ASH1L: variants seen among roughly 807,000 people sequenced by gnomAD.
ASH1L encodes histone-lysine N-methyltransferase ASH1L.
Under a neutral mutation model 269.0 loss-of-function variants are expected in ASH1L, and 23 were observed. The observed-to-expected ratio is 0.09, with a 90% CI of 0.06 to 0.12. ASH1L has a LOEUF of 0.12. ASH1L is among the 10% of genes least tolerant of loss of function. ASH1L has a pLI of 1.00. For missense variants in ASH1L, 2,912 were observed against 3,567.8 expected (o/e 0.82, Z 4.68); for synonymous variants, 1,187 against 1,253.5 (o/e 0.95, Z 1.12).
intron 27 of ASH1L, 66 bp downstream of exon 27, chr1:155,338,022 AT>A: frequency 2.0e-6 from 3 of 1,495,814 alleles, no homozygotes; most frequent in South Asian, 1.3e-5. Context: ...AGTAATTACA[AT>A]TTTTTTCCAT....
intron 3 of ASH1L, among the ~76,000 whole-genome samples, chr1:155,467,696 A>G (rs1005411066): frequency 1.3e-5 from 2 of 152,166 alleles, no homozygotes; most frequent in African/African-American, 4.8e-5. Flanking sequence ...CCTGAAATTT[A>G]TATCAACATG....
At chr1:155,390,830 T>C (rs1017934667) in intron 7 of ASH1L, among the ~76,000 whole-genome samples, 2 of 151,384 alleles carry the variant, frequency 1.3e-5, no homozygotes, top group Non-Finnish European at 2.9e-5. Flanking sequence ...TTTGTATTTT[T>C]AGTAGAGACG....
At chr1:155,520,902 G>C (rs1668844375) in intron 2 of ASH1L, among the ~76,000 whole-genome samples, 198 bp downstream of exon 2, 2 of 152,078 alleles carry the variant, frequency 1.3e-5, no homozygotes, top group African/African-American at 4.8e-5. Context: ...AATTTTACAA[G>C]TACAAATACA....
intron 4 of ASH1L, among the ~76,000 whole-genome samples, chr1:155,451,126 G>A (rs1663428412): frequency 6.6e-6 from 1 of 151,032 alleles, no homozygotes; most frequent in Non-Finnish European, 1.5e-5. Flanking sequence ...GAACCCAGGA[G>A]GTAGAGGTTG....
chr1:155,506,432 C>A (rs953549698), intron 2 of ASH1L, among the ~76,000 whole-genome samples: 2 of 152,174 alleles, frequency 1.3e-5, no homozygotes, highest in African/African-American at 4.8e-5. Flanking sequence ...CACGGTGGCT[C>A]ACGCCTGTAA....
At chr1:155,540,218 T>C (rs1670335580) in intron 1 of ASH1L, among the ~76,000 whole-genome samples, 2 of 152,220 alleles carry the variant, frequency 1.3e-5, no homozygotes, top group African/African-American at 2.4e-5. Context: ...ATATAGTCTC[T>C]GAAGCCAAAA....
intron 7 of ASH1L, among the ~76,000 whole-genome samples, chr1:155,382,845 C>T (rs538839596): frequency 1.3e-5 from 2 of 152,222 alleles, no homozygotes; most frequent in South Asian, 2.1e-4. Flanking sequence ...CTCACTTCTA[C>T]CTGCCAAGTT....
rs183213102 is a variant in ASH1L at position 155,472,119 on chromosome 1, C to T, written c.4984+5767G>A. ...TAGCCTGGCCAATACAGTGAAACCC[C>T]GACTCTACAAAAAATTCAAAAATTA... is the stretch of plus-strand genomic sequence containing the variant. On this transcript the variant is annotated intron_variant, in intron 3 of 27. Transcript: ENST00000392403. Among the ~76,000 whole-genome samples, 10 of 152,080 alleles carry T rather than the reference C, an allele frequency of 6.6e-5. No individual in the cohort carries two copies. In the East Asian group the frequency reaches 1.7e-3, roughly 27 times the overall value.
intron 2 of ASH1L, among the ~76,000 whole-genome samples, chr1:155,497,230 T>C (rs1008454950): frequency 1.3e-5 from 2 of 152,218 alleles, no homozygotes; most frequent in African/African-American, 2.4e-5. Flanking sequence ...TAAATCCATG[T>C]TCATGGAAGC....
At chr1:155,443,552 G>A (rs1662763970) in intron 4 of ASH1L, among the ~76,000 whole-genome samples, 1 of 152,030 alleles carries the variant, frequency 6.6e-6, no homozygotes, top group Middle Eastern at 3.2e-3. Flanking sequence ...GAACATTTCT[G>A]TCACCCTAAA....
At chr1:155,408,277 T>A (rs886641189) in intron 6 of ASH1L, among the ~76,000 whole-genome samples, 1 of 152,212 alleles carries the variant, frequency 6.6e-6, no homozygotes, top group Non-Finnish European at 1.5e-5. Context: ...ATATTTAAGC[T>A]GCTAAATTTG....
At chr1:155,465,447 C>A (rs1664617895) in intron 3 of ASH1L, among the ~76,000 whole-genome samples, 1 of 152,018 alleles carries the variant, frequency 6.6e-6, no homozygotes, top group African/African-American at 2.4e-5. Context: ...ACACAAGTAA[C>A]TAAGAAATCA....
In ASH1L at chr1:155,401,657, G is replaced by A. The variant is rs189238825; in HGVS notation, c.6009-6104C>T. Among the ~76,000 whole-genome samples, 6 of 151,926 alleles carry A rather than the reference G, an allele frequency of 3.9e-5. No homozygotes were observed. In the South Asian group the frequency reaches 1.0e-3, roughly 26 times the overall value. On this transcript the variant is annotated intron_variant, in intron 6 of 27. Coordinates refer to ENST00000392403, the MANE Select transcript of ASH1L (RefSeq NM_018489.3). ...CAAAAAATTAGCCGGGAGTGGTGGT[G>A]GGCACCTGTAATCTCACCTACTTGG...
At chr1:155,377,108 T>C (rs1027951990) in intron 10 of ASH1L, among the ~76,000 whole-genome samples, 1 of 151,498 alleles carries the variant, frequency 6.6e-6, no homozygotes, top group Non-Finnish European at 1.5e-5. Context: ...GGTTTCTCCA[T>C]GTTGGTCAGG....
intron 1 of ASH1L, among the ~76,000 whole-genome samples, chr1:155,540,955 G>C (rs1224193309): frequency 1.3e-5 from 2 of 151,174 alleles, no homozygotes; most frequent in Non-Finnish European, 2.9e-5. Flanking sequence ...TTCCATCTTA[G>C]TTTAAAAGTC....
rs71080709 is a variant in ASH1L at position 155,546,945 on chromosome 1, C to CTTTTTT, written c.-100+15202_-100+15207dup. Among the ~76,000 whole-genome samples the CTTTTTT allele has an allele frequency of 1.6e-4, 14 of 88,198 alleles. 1 individual carries two copies. In the South Asian group the frequency reaches 2.4e-3, roughly 15 times the overall value. The allele number at this position is 88,198 out of a possible 152,430, so 57.9% of individuals were successfully genotyped here. On this transcript the variant is annotated intron_variant, in intron 1 of 27. Transcript: ENST00000392403. ...AAGACTACAAAGGTTTCATCACATT[C>CTTTTTT]TTTTTTTTTTTTTTTTTTTTTTTTT...
chr1:155,387,044 G>C (rs1450220874), intron 7 of ASH1L, among the ~76,000 whole-genome samples: 2 of 151,536 alleles, frequency 1.3e-5, no homozygotes, highest in Non-Finnish European at 2.9e-5. Context: ...AGCGATCTCA[G>C]CTCAATGCAA....
intron 5 of ASH1L, chr1:155,433,853 A>G: frequency 6.2e-7 from 1 of 1,605,954 alleles, no homozygotes; most frequent in Non-Finnish European, 8.5e-7. Context: ...CAAAGCAGAA[A>G]CCCTCTTGCA....
chr1:155,424,338 G>A (rs1660957970), intron 5 of ASH1L, among the ~76,000 whole-genome samples: 1 of 152,022 alleles, frequency 6.6e-6, no homozygotes, highest in Admixed American at 6.6e-5. Context: ...GTGGATTCTG[G>A]CAACACTTTC....
Sources: allele counts gnomAD v4.1 joint callset (sites outside exome capture counted in the v4.1 genomes callset), GRCh38; gene constraint gnomAD v4.1.1; transcripts MANE v1.5; gene names NCBI Gene and HGNC (gene_info 2026-07-23, HGNC 2026-07-21).